Variants in CFAP44 observed in about 807,000 individuals in gnomAD.
The protein encoded by CFAP44 is cilia- and flagella-associated protein 44.
CFAP44 carries 134 observed loss-of-function variants against 216.2 expected under a neutral mutation model. The ratio of observed to expected loss-of-function variants is 0.62; its 90% CI spans 0.54 to 0.72. The LOEUF (loss-of-function observed/expected upper bound fraction) is 0.72, where lower values mean the gene tolerates loss of function less well. Among genes scored for constraint, CFAP44 ranks in the 30% least tolerant of loss-of-function variants. The pLI, the probability that CFAP44 is intolerant of heterozygous loss-of-function variation, is 0.00. For missense variants in CFAP44, 2,035 were observed against 2,182.1 expected (o/e 0.93, Z 1.34); for synonymous variants, 700 against 727.6 (o/e 0.96, Z 0.61).
chr3:113,373,375 T>C, intron 18 of CFAP44, 36 bp downstream of exon 18: 2 of 1,484,698 alleles, frequency 1.3e-6, no homozygotes, highest in South Asian at 1.5e-5. Context: ...ACTAACAGGA[T>C]ATGGTTTTTT....
At chr3:113,430,961 G>A (rs1050305505) in intron 2 of CFAP44, among the ~76,000 whole-genome samples, 1 of 152,082 alleles carries the variant, frequency 6.6e-6, no homozygotes, top group Non-Finnish European at 1.5e-5. Context: ...TGGTACACTC[G>A]ACCTAAATTT....
intron 28 of CFAP44, among the ~76,000 whole-genome samples, chr3:113,326,109 C>G (rs753062172): frequency 6.6e-6 from 1 of 152,166 alleles, no homozygotes; most frequent in Non-Finnish European, 1.5e-5. Flanking sequence ...TGATCCTATT[C>G]AAACATGGGC....
At chr3:113,326,229 A>C (rs1454466289) in intron 28 of CFAP44, among the ~76,000 whole-genome samples, 1 of 152,224 alleles carries the variant, frequency 6.6e-6, no homozygotes, top group Non-Finnish European at 1.5e-5. Context: ...ATACACATAA[A>C]CATGTGCACA....
rs1413529523 is a variant in CFAP44 at position 113,369,219 on chromosome 3, T to C, written c.2445-2910A>G. Among the ~76,000 whole-genome samples, 4 of 152,340 alleles carry C rather than the reference T, an allele frequency of 2.6e-5. No homozygotes were observed. In the East Asian group the frequency reaches 7.7e-4, roughly 29 times the overall value. On this transcript the variant is annotated intron_variant, in intron 18 of 34. Transcript: ENST00000393845. ...GATATCCAGGATTTCAACTCAGCTC[T>C]GCACCAAGCAGATCTAATAGACATC...
intron 28 of CFAP44, among the ~76,000 whole-genome samples, chr3:113,322,459 T>C (rs1950153821): frequency 6.6e-6 from 1 of 152,106 alleles, no homozygotes; most frequent in Non-Finnish European, 1.5e-5. Flanking sequence ...AAAGATTACC[T>C]ACAAGCAGGC....
intron 1 of CFAP44, among the ~76,000 whole-genome samples, chr3:113,439,075 T>A (rs1272857984): frequency 6.6e-6 from 1 of 152,216 alleles, no homozygotes; most frequent in Non-Finnish European, 1.5e-5. Flanking sequence ...ATGTTCTACA[T>A]TCTATTAGTA....
At chr3:113,330,717 A>C in intron 25 of CFAP44, 49 bp from the exon 26 acceptor site, 1 of 1,476,088 alleles carries the variant, frequency 6.8e-7, no homozygotes, top group Non-Finnish European at 8.9e-7. Context: ...TCTGACAAAT[A>C]ACTGTATGGA....
intron 15 of CFAP44, among the ~76,000 whole-genome samples, chr3:113,394,536 C>A (rs1377293188): frequency 1.3e-5 from 2 of 152,160 alleles, no homozygotes; most frequent in Non-Finnish European, 2.9e-5. Context: ...AATCAAGGTA[C>A]AATAATACAA....
At chr3:113,354,363 C>G (rs1001192293) in intron 22 of CFAP44, among the ~76,000 whole-genome samples, 1 of 152,176 alleles carries the variant, frequency 6.6e-6, no homozygotes, top group East Asian at 1.9e-4. Flanking sequence ...AATCTGCCTG[C>G]TTTCTCAATG....
At chr3:113,387,684 A>G (rs1253184565) in intron 15 of CFAP44, among the ~76,000 whole-genome samples, 4 of 151,878 alleles carry the variant, frequency 2.6e-5, no homozygotes, top group Non-Finnish European at 5.9e-5. Flanking sequence ...AGTCAAGGGT[A>G]TTTTGTCTTG....
intron 4 of CFAP44, 130 bp downstream of exon 4, chr3:113,425,994 T>C: frequency 9.7e-7 from 1 of 1,026,990 alleles, no homozygotes; most frequent in Non-Finnish European, 1.4e-6. Flanking sequence ...GATGTGGCTG[T>C]GTTGCAATAA....
At chr3:113,402,633 A>G (rs1051982796) in intron 9 of CFAP44, among the ~76,000 whole-genome samples, 7 of 152,176 alleles carry the variant, frequency 4.6e-5, no homozygotes, top group Non-Finnish European at 8.8e-5. Flanking sequence ...GGTTAGGGTT[A>G]AGGATCAAAC....
Position 113,406,949 on chromosome 3 carries a change from T to C in CFAP44, c.983A>G (p.Tyr328Cys). The change falls in exon 8 of 35, where the codon TAC becomes TGC. Residue 328 changes from tyrosine (Y) to cysteine (C), a missense_variant. By Grantham distance (194) the Tyr-to-Cys change is radical. This residue lies in a region of CFAP44 where 1,883 missense variants were observed against 2,023.7 expected (regional missense o/e 0.93). Coordinates refer to ENST00000393845, the MANE Select transcript of CFAP44 (RefSeq NM_001164496.2). ...GKTITTDIEG[Y>C]MELPDGKVLS... ...CACCTTCCCATCTGGGAGCTCCATG[T>C]AGCCTTCTATATCAGTAGTGATTGT... The C allele has an allele frequency of 6.2e-7, 1 of 1,614,002 alleles. No homozygotes were observed. Among genetic ancestry groups the C allele is most frequent in the Non-Finnish European group, 8.5e-7 (1 of 1,179,874 alleles).
chr3:113,349,733 A>T (rs1396435025), intron 22 of CFAP44, among the ~76,000 whole-genome samples: 1 of 152,114 alleles, frequency 6.6e-6, no homozygotes, highest in Non-Finnish European at 1.5e-5. Context: ...TCATGTCATC[A>T]CCCTCACTGA....
Position 113,303,972 on chromosome 3 carries a change from C to T in CFAP44, c.5021G>A (p.Arg1674Lys). Residue 1674 changes from arginine to lysine, a missense_variant, in exon 32 of 35, where the codon AGA becomes AAA. This residue lies in a region of CFAP44 where 1,883 missense variants were observed against 2,023.7 expected (regional missense o/e 0.93). Coordinates refer to ENST00000393845, the MANE Select transcript of CFAP44 (RefSeq NM_001164496.2). Reference protein sequence around the residue: ...SKQQKLNKEWRERRKQLIREK... With the variant: ...SKQQKLNKEWKERRKQLIREK... ...TCGGATGAGCTGTTTACGTCTCTCT[C>T]TCCATTCTTTGTTAAGTTTTTGCTG... is the stretch of plus-strand genomic sequence containing the variant. The T allele has an allele frequency of 6.5e-7, 1 of 1,537,760 alleles. No individual in the cohort carries two copies. Among genetic ancestry groups the T allele is most frequent in the South Asian group, 1.2e-5 (1 of 84,050 alleles).
chr3:113,363,409 A>G lies in CFAP44; in HGVS notation c.2771+68T>C, dbSNP rs1950560087. The G allele has an allele frequency of 5.1e-6, 8 of 1,570,800 alleles. No individual in the cohort carries two copies. The South Asian group carries it at 9.5e-5, about 19-fold the overall frequency. ...TTTGAAAATTCATTAAGCTTGGTCA[A>G]CTTCTGCACTGTTGATTTGTTTTGC... On this transcript the variant is annotated intron_variant, in intron 20 of 34. Transcript: ENST00000393845.
At chr3:113,427,064 A>C in intron 3 of CFAP44, 123 bp downstream of exon 3, 4 of 1,076,678 alleles carry the variant, frequency 3.7e-6, no homozygotes, top group African/African-American at 1.6e-5. Flanking sequence ...TTGTCCTTTT[A>C]TCATTCCCAC....
chr3:113,385,599 C>A (rs1469022663), intron 15 of CFAP44, among the ~76,000 whole-genome samples: 2 of 151,904 alleles, frequency 1.3e-5, no homozygotes, highest in Non-Finnish European at 2.9e-5. Flanking sequence ...TCTGTTAGGG[C>A]TATTTGGCCT....
At chr3:113,293,680 A>C (rs543150721) in intron 34 of CFAP44, among the ~76,000 whole-genome samples, 16 of 152,334 alleles carry the variant, frequency 1.1e-4, no homozygotes, top group African/African-American at 3.6e-4. Flanking sequence ...TCCTTCACTC[A>C]AAAGTTCTTC....
Sources: gnomAD v4.1 joint callset for allele counts (sites outside exome capture counted in the v4.1 genomes callset) on GRCh38, gnomAD v4.1.1 for gene constraint, gnomAD v4.1.1 regional missense constraint, MANE v1.5 for transcripts, NCBI Gene and HGNC (gene_info 2026-07-23, HGNC 2026-07-21) for gene names.